Variants in STAMBPL1 observed in about 807,000 individuals in gnomAD.
The protein encoded by STAMBPL1 is STAM binding protein like 1, also known as AMSH-like protease.
STAMBPL1 carries 44 observed loss-of-function variants against 52.9 expected under a neutral mutation model. The ratio of observed to expected loss-of-function variants is 0.83; its 90% CI spans 0.65 to 1.07. STAMBPL1 has a LOEUF of 1.07. Among genes scored for constraint, STAMBPL1 ranks in the 50% least tolerant of loss-of-function variants. STAMBPL1 has a pLI of 0.00. For synonymous variants in STAMBPL1, 164 were observed against 177.3 expected, an observed-to-expected ratio of 0.92 and a Z score of 0.60; for missense variants, 511 against 520.8, an observed-to-expected ratio of 0.98 and a Z score of 0.18.
intron 1 of STAMBPL1, among the ~76,000 whole-genome samples, chr10:88,881,073 G>T (rs11202876): frequency 0.032 from 4,851 of 152,150 alleles, 246 homozygotes; most frequent in African/African-American, 0.11. Context: ...GAGGGGCGAG[G>T]GTTAGAAAAA....
chr10:88,885,597 C>T (rs1564618899), intron 1 of STAMBPL1, among the ~76,000 whole-genome samples: 2 of 152,172 alleles, frequency 1.3e-5, no homozygotes, highest in African/African-American at 4.8e-5. Context: ...CCATCCACTT[C>T]CCTCCATACT....
intron 1 of STAMBPL1, among the ~76,000 whole-genome samples, chr10:88,884,844 C>T (rs932278203): frequency 8.5e-5 from 13 of 152,338 alleles, no homozygotes; most frequent in East Asian, 3.9e-4. Context: ...TTTTTCCCCA[C>T]GTACTAGTAG....
At chr10:88,884,044 A>G (rs1844470299) in intron 1 of STAMBPL1, among the ~76,000 whole-genome samples, 1 of 152,222 alleles carries the variant, frequency 6.6e-6, no homozygotes, top group Non-Finnish European at 1.5e-5. Context: ...ATAATAATGC[A>G]AATTTTATTC....
chr10:88,920,446 G>A (rs1214804058), intron 8 of STAMBPL1, among the ~76,000 whole-genome samples: 1 of 152,180 alleles, frequency 6.6e-6, no homozygotes, highest in East Asian at 1.9e-4. Flanking sequence ...TAGCTAGTGA[G>A]TAATGGAGTC....
At chr10:88,922,534 A>G in intron 10 of STAMBPL1, 98 bp downstream of exon 10, 1 of 1,066,498 alleles carries the variant, frequency 9.4e-7, no homozygotes, top group East Asian at 2.6e-5. Context: ...ATAAGATAAA[A>G]TACTGTACTG....
chr10:88,887,876 A>G (rs1012895247), intron 1 of STAMBPL1, among the ~76,000 whole-genome samples: 24 of 152,230 alleles, frequency 1.6e-4, no homozygotes, highest in African/African-American at 5.8e-4. Flanking sequence ...TCAGTAAACC[A>G]CCCTTTTGAG....
intron 1 of STAMBPL1, among the ~76,000 whole-genome samples, chr10:88,884,728 T>G (rs1330370196): frequency 6.6e-6 from 1 of 152,182 alleles, no homozygotes; most frequent in African/African-American, 2.4e-5. Flanking sequence ...TGACAAATAT[T>G]TATTAATAGC....
rs375487991 is a variant in STAMBPL1, at chr10:88,885,365, C to G, written c.-54+4727C>G. Among the ~76,000 whole-genome samples, 4 of 152,060 alleles carry G rather than the reference C, an allele frequency of 2.6e-5. No homozygotes were observed. In the East Asian group the frequency reaches 7.7e-4, roughly 29 times the overall value. Reference sequence around the variant, plus strand: ...TATAACTGTTTCTCCTTGATGTTTTCGTATTTTGTAAGTAATGTTTTTATT... The same window carrying G: ...TATAACTGTTTCTCCTTGATGTTTTGGTATTTTGTAAGTAATGTTTTTATT... On this transcript the variant is annotated intron_variant, in intron 1 of 10. Transcript: ENST00000371926.
intron 1 of STAMBPL1, among the ~76,000 whole-genome samples, chr10:88,900,662 A>G (rs989416161): frequency 1.3e-5 from 2 of 152,352 alleles, no homozygotes; most frequent in Non-Finnish European, 1.5e-5. Context: ...CAGAAAGGCT[A>G]TATAACTTCC....
In STAMBPL1 at chr10:88,923,351, T is replaced by G; in HGVS notation, c.*127T>G. The G allele has an allele frequency of 7.1e-7, 1 of 1,400,192 alleles. No homozygotes were observed. The highest frequency in any genetic ancestry group is 1.7e-5 in the South Asian group (1 of 57,882). The allele number at this position is 1,400,192 out of a possible 1,614,324, so 86.7% of individuals were successfully genotyped here. ...TTTATACATTTTAGATGACAAAGCT[T>G]GATATTTATTGCTGTTGCACATTTT... On this transcript the variant is annotated 3_prime_UTR_variant, in exon 11 of 11. Transcript: ENST00000371926.
chr10:88,907,232 G>A (rs1845098001), intron 3 of STAMBPL1, among the ~76,000 whole-genome samples: 1 of 152,146 alleles, frequency 6.6e-6, no homozygotes, highest in Admixed American at 6.5e-5. Context: ...TTTAAAAATT[G>A]CCTTCCATGA....
intron 5 of STAMBPL1, chr10:88,912,813 C>A: frequency 3.2e-6 from 1 of 307,782 alleles, no homozygotes; most frequent in Non-Finnish European, 6.0e-6. Context: ...AGCAAACAAC[C>A]TTGACGTTGA....
intron 1 of STAMBPL1, among the ~76,000 whole-genome samples, chr10:88,883,661 T>C (rs1388736376): frequency 6.6e-6 from 1 of 152,234 alleles, no homozygotes; most frequent in Admixed American, 6.5e-5. Flanking sequence ...TCAAAACACA[T>C]ATTGTTTGAT....
intron 1 of STAMBPL1, among the ~76,000 whole-genome samples, chr10:88,887,728 C>T (rs1844573249): frequency 3.9e-5 from 6 of 151,972 alleles, no homozygotes; most frequent in Admixed American, 3.9e-4. Context: ...CACCATGTTG[C>T]CCAGGCTGAT....
intron 1 of STAMBPL1, among the ~76,000 whole-genome samples, chr10:88,896,039 G>A (rs1420627248): frequency 6.6e-6 from 1 of 152,082 alleles, no homozygotes; most frequent in Admixed American, 6.5e-5. Context: ...TATACCTCTA[G>A]AAGTAACAGA....
chr10:88,906,478 T>C (rs1212735981), intron 3 of STAMBPL1, among the ~76,000 whole-genome samples: 1 of 152,220 alleles, frequency 6.6e-6, no homozygotes, highest in Admixed American at 6.5e-5. Context: ...TTTTGCTAGC[T>C]TATTATTTAT....
chr10:88,922,430 G>C lies in STAMBPL1; in HGVS notation c.1248G>C (p.Leu416=), dbSNP rs374576837. The C allele has an allele frequency of 4.0e-5, 65 of 1,613,112 alleles. No homozygotes were observed. The highest frequency in any genetic ancestry group is 5.2e-5 in the Non-Finnish European group (61 of 1,179,562). Residue 416 remains leucine (L), a synonymous_variant, in exon 10 of 11, where the codon CTG becomes CTC. Transcript: ENST00000371926. ...ATCCACACACCAAGGAGCCCAGGCT[G>C]TTCAGTGTGAGTACATCATATTAGT... is the stretch of plus-strand genomic sequence containing the variant. ...GFHPHTKEPR[L]FSICKHVLVK...
At chr10:88,902,262 A>G (rs1844960850) in intron 2 of STAMBPL1, among the ~76,000 whole-genome samples, 1 of 152,290 alleles carries the variant, frequency 6.6e-6, no homozygotes, top group East Asian at 1.9e-4. Context: ...TGTGTCCTAG[A>G]TCAGTCTCTG....
rs762585492 is a variant in STAMBPL1, at chr10:88,913,108, A to G, written c.428A>G (p.Tyr143Cys). 4 of 1,590,612 alleles carry G rather than the reference A, an allele frequency of 2.5e-6. No individual in the cohort carries two copies. In the East Asian group the frequency reaches 6.7e-5, roughly 27 times the overall value. Residue 143 changes from tyrosine (Y) to cysteine (C), a missense_variant, in exon 6 of 11, where the codon TAT becomes TGT. Physicochemically the swap from Tyr to Cys is radical, Grantham distance 194. This residue lies in a region of STAMBPL1 where 358 missense variants were observed against 343.5 expected (regional missense o/e 1.04). Transcript: ENST00000371926. ...GGCTGCCACACTTTTTAGAACAAAT[A>G]TAAAGCTGAAATTCTCAAAAAATTG... ...YQEYLQSKNK[Y>C]KAEILKKLEH...
Sources: allele counts gnomAD v4.1 joint callset (sites outside exome capture counted in the v4.1 genomes callset), GRCh38; gene constraint gnomAD v4.1.1; regional missense constraint gnomAD v4.1.1; transcripts MANE v1.5; gene names NCBI Gene and HGNC (gene_info 2026-07-23, HGNC 2026-07-21).